ZDHHC14: variants seen among roughly 807,000 people sequenced by gnomAD.
ZDHHC14 encodes the protein zDHHC palmitoyltransferase 14.
In ZDHHC14, 16 loss-of-function variants were observed where a neutral mutation model predicts 47.7. The ratio of observed to expected loss-of-function variants is 0.34; its 90% CI spans 0.23 to 0.51. The LOEUF (loss-of-function observed/expected upper bound fraction) is 0.51, where lower values mean the gene tolerates loss of function less well. ZDHHC14 is among the 20% of genes least tolerant of loss of function. The probability of loss-of-function intolerance (pLI) is 0.97; values close to 1 mark genes in which losing one functional copy is unlikely to be tolerated. For synonymous variants in ZDHHC14, 293 were observed against 278.9 expected, an observed-to-expected ratio of 1.05 and a Z score of -0.50; for missense variants, 515 against 662.5, an observed-to-expected ratio of 0.78 and a Z score of 2.44.
rs1353089617 is a variant in ZDHHC14, at chr6:157,540,487, G to A, written c.246-2098G>A. ...AAGATCTACTAAGTCACCCTCACAG[G>A]AGGGTTCTGGCCATTCACAAGTAGC... On this transcript the variant is annotated intron_variant, in intron 1 of 8. Transcript: ENST00000359775. Among the ~76,000 whole-genome samples the A allele has an allele frequency of 1.3e-5, 2 of 152,202 alleles. 1 individual carries two copies. Among genetic ancestry groups the A allele is most frequent in the Non-Finnish European group, 2.9e-5 (2 of 68,034 alleles).
chr6:157,518,636 A>ACC (rs1780790634), intron 1 of ZDHHC14, among the ~76,000 whole-genome samples: 1 of 89,908 alleles, frequency 1.1e-5, no homozygotes, highest in Non-Finnish European at 2.3e-5. Context: ...CGCCTTTCCC[A>ACC]CCCTCCCTCC....
chr6:157,519,719 C>A (rs1780846130), intron 1 of ZDHHC14, among the ~76,000 whole-genome samples: 1 of 152,216 alleles, frequency 6.6e-6, no homozygotes, highest in South Asian at 2.1e-4. Context: ...CTCAGCTCTT[C>A]CTCTGCAAAA....
chr6:157,437,109 C>T (rs1390552900), intron 1 of ZDHHC14, among the ~76,000 whole-genome samples: 1 of 152,158 alleles, frequency 6.6e-6, no homozygotes. Context: ...CAGGTCTACA[C>T]AGTGCAGCAC....
chr6:157,641,252 G>A (rs1197490728), intron 5 of ZDHHC14, among the ~76,000 whole-genome samples: 1 of 152,126 alleles, frequency 6.6e-6, no homozygotes, highest in Non-Finnish European at 1.5e-5. Flanking sequence ...CTCTAGGGTT[G>A]ACAATGGGTG....
intron 2 of ZDHHC14, among the ~76,000 whole-genome samples, chr6:157,572,237 A>G (rs1018688618): frequency 6.6e-6 from 1 of 152,032 alleles, no homozygotes; most frequent in Non-Finnish European, 1.5e-5. Context: ...GCCACCACCC[A>G]CTAGGTCCCA....
At chr6:157,591,802 C>A (rs1783920279) in intron 2 of ZDHHC14, among the ~76,000 whole-genome samples, 1 of 152,176 alleles carries the variant, frequency 6.6e-6, no homozygotes, top group Non-Finnish European at 1.5e-5. Context: ...TATCTTGCAA[C>A]CATCTCTGAT....
At chr6:157,461,200 A>C (rs546081784) in intron 1 of ZDHHC14, among the ~76,000 whole-genome samples, 4 of 152,264 alleles carry the variant, frequency 2.6e-5, no homozygotes, top group African/African-American at 9.6e-5. Flanking sequence ...ATTGAGTTTG[A>C]CTAAACTGTG....
intron 1 of ZDHHC14, among the ~76,000 whole-genome samples, chr6:157,461,259 C>A (rs543524218): frequency 6.6e-6 from 1 of 152,128 alleles, no homozygotes; most frequent in Non-Finnish European, 1.5e-5. Flanking sequence ...GAGAAGGGGT[C>A]GGCATGGGGA....
At chr6:157,501,865 T>G (rs1780200470) in intron 1 of ZDHHC14, among the ~76,000 whole-genome samples, 1 of 152,238 alleles carries the variant, frequency 6.6e-6, no homozygotes, top group South Asian at 2.1e-4. Flanking sequence ...GAATGATGCC[T>G]TACTTCTCCT....
intron 1 of ZDHHC14, among the ~76,000 whole-genome samples, chr6:157,441,809 G>A (rs1583647544): frequency 6.6e-6 from 1 of 152,174 alleles, no homozygotes; most frequent in Admixed American, 6.5e-5. Context: ...CAGCACTCTA[G>A]CCTGGGCAAC....
intron 2 of ZDHHC14, among the ~76,000 whole-genome samples, chr6:157,551,485 A>G (rs1450706502): frequency 6.6e-6 from 1 of 152,132 alleles, no homozygotes; most frequent in African/African-American, 2.4e-5. Flanking sequence ...GAATATCTAA[A>G]TCTTTGCTAC....
In ZDHHC14 at chr6:157,543,763, G is replaced by C. The variant is rs1781858726; in HGVS notation, c.406+1018G>C. 2.0e-5 allele frequency among the ~76,000 whole-genome samples: 3 copies of C among 152,186 alleles called. No homozygotes were observed. The South Asian group carries it at 6.2e-4, about 32-fold the overall frequency. The stretch of plus-strand genomic sequence containing the variant: ...TAAAATGGGAGTGTGTGGAGTGTGT[G>C]GTGTCATCTGCTAGACTGCAGCTGT... On this transcript the variant is annotated intron_variant, in intron 2 of 8. Coordinates refer to ENST00000359775, the MANE Select transcript of ZDHHC14 (RefSeq NM_024630.3).
intron 1 of ZDHHC14, among the ~76,000 whole-genome samples, chr6:157,537,247 G>T (rs1205574427): frequency 2.0e-5 from 3 of 152,098 alleles, no homozygotes; most frequent in African/African-American, 7.2e-5. Flanking sequence ...AAACATCAAT[G>T]CACAAAAACA....
intron 1 of ZDHHC14, among the ~76,000 whole-genome samples, chr6:157,523,796 G>A (rs564384624): frequency 6.6e-6 from 1 of 152,068 alleles, no homozygotes; most frequent in Non-Finnish European, 1.5e-5. Flanking sequence ...AGCTACTCAG[G>A]AGGCTGAGGT....
chr6:157,557,244 A>G (rs182652738), intron 2 of ZDHHC14, among the ~76,000 whole-genome samples: 11 of 152,168 alleles, frequency 7.2e-5, no homozygotes, highest in Non-Finnish European at 1.6e-4. Context: ...AGTGGTGACT[A>G]GGTCAGGGCA....
chr6:157,620,473 A>G (rs1368043643), intron 3 of ZDHHC14, among the ~76,000 whole-genome samples: 2 of 152,244 alleles, frequency 1.3e-5, no homozygotes, highest in Admixed American at 6.5e-5. Context: ...TCCAAGCTCC[A>G]CAATCGGAAC....
At chr6:157,471,239 TC>T (rs1779347915) in intron 1 of ZDHHC14, among the ~76,000 whole-genome samples, 1 of 152,202 alleles carries the variant, frequency 6.6e-6, no homozygotes, top group African/African-American at 2.4e-5. Context: ...TGTGATGCTC[TC>T]CCCGCAGAGT....
chr6:157,406,756 G>T (rs930243549), intron 1 of ZDHHC14, among the ~76,000 whole-genome samples: 1 of 152,218 alleles, frequency 6.6e-6, no homozygotes, highest in Non-Finnish European at 1.5e-5. Context: ...TACTTGTAAA[G>T]CCCTTGTTCA....
rs1777220396 is a variant in ZDHHC14, at chr6:157,381,965, G to T, written c.-57G>T. On this transcript the variant is annotated 5_prime_UTR_variant, in exon 1 of 9. Coordinates refer to ENST00000359775, the MANE Select transcript of ZDHHC14 (RefSeq NM_024630.3). Reference sequence around the variant, plus strand: ...CCGGCGGCGGTCGTGGCTCGGCGGGGCCCGCGCGGCCGGGGGGCTCCTGGG... The same window carrying T: ...CCGGCGGCGGTCGTGGCTCGGCGGGTCCCGCGCGGCCGGGGGGCTCCTGGG... The T allele has an allele frequency of 1.9e-6, 2 of 1,041,542 alleles. No individual in the cohort carries two copies. The highest frequency in any genetic ancestry group is 5.8e-5 in the Admixed American group (1 of 17,114). 64.5% of individuals were successfully genotyped at this position (1,041,542 alleles called of 1,614,324 possible).
Sources: gnomAD v4.1 joint callset for allele counts (sites outside exome capture counted in the v4.1 genomes callset) on GRCh38, gnomAD v4.1.1 for gene constraint, MANE v1.5 for transcripts, NCBI Gene and HGNC (gene_info 2026-07-23, HGNC 2026-07-21) for gene names.